The following ITPR3 variants were observed in gnomAD, a reference collection of about 807,000 sequenced individuals.
ITPR3 encodes the protein inositol 1,4,5-trisphosphate receptor type 3, also known as inositol 1,4,5-trisphosphate-gated calcium channel ITPR3.
In ITPR3, 173 loss-of-function variants were observed where a neutral mutation model predicts 293.2. The observed-to-expected ratio is 0.59, with a 90% CI of 0.52 to 0.67. The LOEUF (loss-of-function observed/expected upper bound fraction) is 0.67. Ranked by LOEUF, ITPR3 falls within the 30% of genes least tolerant of loss-of-function variation. The pLI is 0.00. For synonymous variants in ITPR3, 1,295 were observed against 1,444.4 expected, an observed-to-expected ratio of 0.90 and a Z score of 2.35; for missense variants, 2,796 against 3,592.1, an observed-to-expected ratio of 0.78 and a Z score of 5.66.
rs147404872 is a variant in ITPR3 at position 33,688,413 on chromosome 6, T to C, written c.6550T>C (p.Trp2184Arg). The C allele has an allele frequency of 7.9e-7, 1 of 1,265,158 alleles. No individual in the cohort carries two copies. The highest frequency in any genetic ancestry group is 1.0e-6 in the Non-Finnish European group (1 of 966,398). 78.4% of individuals were successfully genotyped at this position (1,265,158 alleles called of 1,614,324 possible). A position where few individuals can be genotyped will look rare whatever the true frequency, so the allele number is the denominator to read the frequency against. ...CTCCTTCCTGCACAACGAGATGGAG[T>C]GGCAGCGCAAGCTCCGCAGTGAGGA... Reference protein sequence around the residue: ...QSSFLHNEMEWQRKLRSMPLI... With the variant: ...QSSFLHNEMERQRKLRSMPLI... Residue 2184 changes from tryptophan (W) to arginine (R), a missense_variant, in exon 48 of 58, where the codon TGG becomes CGG. Trp to Arg is a moderately radical substitution (Grantham distance 101). This residue lies in a region of ITPR3 where 568 missense variants were observed against 796.1 expected (regional missense o/e 0.71). Coordinates refer to ENST00000605930, the MANE Select transcript of ITPR3 (RefSeq NM_002224.4).
Position 33,621,795 on chromosome 6 carries a change from C to A in ITPR3, c.89+104C>A. On this transcript the variant is annotated intron_variant, in intron 1 of 57. Transcript: ENST00000605930. The surrounding 1 kb of genome is among the most constrained non-coding windows in gnomAD (Gnocchi z 7.7). The stretch of plus-strand genomic sequence containing the variant: ...CGCCGCCCCCCGATAGAGGCCTGGA[C>A]GTCCCCCTAGTCTCAAGGAGCGGGA... The A allele has an allele frequency of 4.9e-6, 4 of 809,518 alleles. No homozygotes were observed. Among genetic ancestry groups the A allele is most frequent in the Non-Finnish European group, 8.1e-6 (4 of 491,202 alleles). The allele number at this position is 809,518 out of a possible 1,614,324, so 50.1% of individuals were successfully genotyped here. A position where few individuals can be genotyped will look rare whatever the true frequency, so the allele number is the denominator to read the frequency against.
At chr6:33,690,236 A>G (rs774729716) in intron 51 of ITPR3, 38 bp downstream of exon 51, 2 of 995,458 alleles carry the variant, frequency 2.0e-6, no homozygotes, top group South Asian at 1.3e-5. Flanking sequence ...GGATGGGGGC[A>G]TGGGGTGGTT....
At position 33,667,404 on chromosome 6, in the gene ITPR3, G is replaced by C; in HGVS notation, c.1713+114G>C. The stretch of plus-strand genomic sequence containing the variant: ...CTGTTTTGGGGCCTAGGGTCCAGTA[G>C]GGCACCAGACAGCAGGGCCGGGTTC... On this transcript the variant is annotated intron_variant, in intron 15 of 57. Coordinates refer to ENST00000605930, the MANE Select transcript of ITPR3 (RefSeq NM_002224.4). This position sits in a 1 kb window ranked among gnomAD's most constrained non-coding sequence, Gnocchi z 4.4. 2.2e-6 allele frequency: 3 copies of C among 1,365,954 alleles called. No individual in the cohort carries two copies. The highest frequency in any genetic ancestry group is 2.9e-6 in the Non-Finnish European group (3 of 1,018,366). The allele number at this position is 1,365,954 out of a possible 1,614,324, so 84.6% of individuals were successfully genotyped here.
rs536717256 is a variant in ITPR3, at chr6:33,659,629, C to T, written c.711+80C>T. 502 of 1,222,202 alleles carry T rather than the reference C, an allele frequency of 4.1e-4. 1 individual carries two copies. Among genetic ancestry groups the T allele is most frequent in the Non-Finnish European group, 5.8e-4 (483 of 832,522 alleles). 75.7% of individuals were successfully genotyped at this position (1,222,202 alleles called of 1,614,324 possible). A position where few individuals can be genotyped will look rare whatever the true frequency, so the allele number is the denominator to read the frequency against. ...GGGCCCTCTTCCTGCCTTCTCCACC[C>T]GCCAGGCCTCAGGCCCTTACCCTCT... On this transcript the variant is annotated intron_variant, in intron 7 of 57. Transcript: ENST00000605930.
chr6:33,670,869 A>G lies in ITPR3; in HGVS notation c.2586+54A>G. On this transcript the variant is annotated intron_variant, in intron 20 of 57. Coordinates refer to ENST00000605930, the MANE Select transcript of ITPR3 (RefSeq NM_002224.4). The surrounding 1 kb of genome is among the most constrained non-coding windows in gnomAD (Gnocchi z 6.7). The stretch of plus-strand genomic sequence containing the variant: ...GGTCCGTGGAGCTCTTGTTGGCCCC[A>G]CACTGGCCTCGGTCTTCACCCAGGA... 1.3e-6 allele frequency: 2 copies of G among 1,591,504 alleles called. No individual in the cohort carries two copies. Among genetic ancestry groups the G allele is most frequent in the Non-Finnish European group, 1.7e-6 (2 of 1,169,768 alleles).
At position 33,665,938 on chromosome 6, in the gene ITPR3, C is replaced by T. The variant is rs763016802; in HGVS notation, c.1513C>T (p.Arg505Trp). 15 of 1,613,756 alleles carry T rather than the reference C, an allele frequency of 9.3e-6. No individual in the cohort carries two copies. The highest frequency in any genetic ancestry group is 4.0e-5 in the African/African-American group (3 of 74,926). ...DIMVTKPNRE[R>W]QKLMREQNIL... The stretch of plus-strand genomic sequence containing the variant: ...CATGGTCACTAAGCCCAACCGGGAA[C>T]GGCAGAAGCTGATGAGGGAGCAGAA... The change falls in exon 14 of 58, where the codon CGG becomes TGG. Residue 505 changes from arginine to tryptophan, a missense_variant. Arg to Trp is a moderately radical substitution (Grantham distance 101). This residue lies in a region of ITPR3 where 955 missense variants were observed against 1,180.8 expected (regional missense o/e 0.81). Transcript: ENST00000605930.
At chr6:33,668,671 C>G (rs367544617) in intron 17 of ITPR3, 37 bp downstream of exon 17, 1 of 1,613,322 alleles carries the variant, frequency 6.2e-7, no homozygotes, top group Non-Finnish European at 8.5e-7. Flanking sequence ...TTGGGCTCCA[C>G]GCTGCTGACC....
intron 9 of ITPR3, 70 bp downstream of exon 9, chr6:33,663,076 T>G (rs1764517371): frequency 7.8e-7 from 1 of 1,282,326 alleles, no homozygotes. Flanking sequence ...GGAACATGTG[T>G]GCACATACTT....
At chr6:33,656,326 G>C (rs1764305221) in intron 3 of ITPR3, among the ~76,000 whole-genome samples, 1 of 152,072 alleles carries the variant, frequency 6.6e-6, no homozygotes, top group Non-Finnish European at 1.5e-5. Flanking sequence ...CAGGGTGCAT[G>C]GCTCAGAGAG....
In ITPR3 at chr6:33,624,007, C is replaced by T. The variant is rs10947415; in HGVS notation, c.89+2316C>T. Among the ~76,000 whole-genome samples, 20,162 of 152,260 alleles carry T rather than the reference C, an allele frequency of 0.13. 1,797 individuals are homozygous for T. Among genetic ancestry groups the T allele is most frequent in the Middle Eastern group, 0.22 (65 of 294 alleles). ...CACCACACGACTGCAACCTGTCCCGCGCTCTCAGTCTCTTTACCTTTGCTC... is the reference window on the plus strand; with the variant it reads ...CACCACACGACTGCAACCTGTCCCGTGCTCTCAGTCTCTTTACCTTTGCTC... On this transcript the variant is annotated intron_variant, in intron 1 of 57. Transcript: ENST00000605930. This position sits in a 1 kb window ranked among gnomAD's most constrained non-coding sequence, Gnocchi z 4.7.
intron 22 of ITPR3, among the ~76,000 whole-genome samples, chr6:33,673,317 G>T (rs1764817482): frequency 6.6e-6 from 1 of 152,132 alleles, no homozygotes; most frequent in Non-Finnish European, 1.5e-5. Context: ...GGGCGCAGGG[G>T]TGCTCGCTGC....
Position 33,683,654 on chromosome 6 carries a change from G to A in ITPR3, c.4788+257G>A, listed in dbSNP as rs891606761. Among the ~76,000 whole-genome samples the A allele has an allele frequency of 7.2e-5, 11 of 152,118 alleles. No individual in the cohort carries two copies. The highest frequency in any genetic ancestry group is 6.2e-4 in the South Asian group (3 of 4,822). On this transcript the variant is annotated intron_variant, in intron 35 of 57. Coordinates refer to ENST00000605930, the MANE Select transcript of ITPR3 (RefSeq NM_002224.4). The surrounding 1 kb of genome is among the most constrained non-coding windows in gnomAD (Gnocchi z 4.5). ...TGGGGTTGGAGCTCATGAGGGGGTC[G>A]GGACCACCCCTCACTCCTGCAGCGC...
chr6:33,687,187 C>A lies in ITPR3; in HGVS notation c.6076-39C>A, dbSNP rs746365418. On this transcript the variant is annotated intron_variant, in intron 44 of 57. Coordinates refer to ENST00000605930, the MANE Select transcript of ITPR3 (RefSeq NM_002224.4). The surrounding 1 kb of genome is among the most constrained non-coding windows in gnomAD (Gnocchi z 5.3). The stretch of plus-strand genomic sequence containing the variant: ...ATGAGGGCCCGGCTGGCCCTACCGC[C>A]CTAGGAAGAGAGCATTGGAACAGGC... 6.3e-7 allele frequency: 1 copy of A among 1,597,666 alleles called. No homozygotes were observed. Among genetic ancestry groups the A allele is most frequent in the African/African-American group, 1.3e-5 (1 of 74,696 alleles).
chr6:33,689,278 C>A lies in ITPR3; in HGVS notation c.6735C>A (p.Ile2245=), dbSNP rs1178244734. ...DSPLISLLFW[I]LICFSIAALF... ...CTCTCATCTCATTGCTCTTCTGGAT[C>A]CTCATCTGCTTCTCCATCGCGGCCC... The change falls in exon 50 of 58, where the codon ATC becomes ATA. Residue 2245 remains isoleucine, a synonymous_variant. Transcript: ENST00000605930. The A allele has an allele frequency of 1.2e-6, 2 of 1,611,970 alleles. No individual in the cohort carries two copies. Among genetic ancestry groups the A allele is most frequent in the African/African-American group, 1.3e-5 (1 of 75,060 alleles).
At position 33,682,318 on chromosome 6, in the gene ITPR3, C is replaced by T. The variant is rs1412638914; in HGVS notation, c.4477-206C>T. Among the ~76,000 whole-genome samples, 2 of 152,206 alleles carry T rather than the reference C, an allele frequency of 1.3e-5. No homozygotes were observed. Among genetic ancestry groups the T allele is most frequent in the Non-Finnish European group, 2.9e-5 (2 of 68,034 alleles). On this transcript the variant is annotated intron_variant, in intron 33 of 57. Coordinates refer to ENST00000605930, the MANE Select transcript of ITPR3 (RefSeq NM_002224.4). The surrounding 1 kb of genome is among the most constrained non-coding windows in gnomAD (Gnocchi z 5.4). Reference sequence around the variant, plus strand: ...ATGAGCCCACGGCCTTGGTGAGTTACAGGGCTGCCGTGTACAGTTGGGCAG... The same window carrying T: ...ATGAGCCCACGGCCTTGGTGAGTTATAGGGCTGCCGTGTACAGTTGGGCAG...
rs1399465348 is a variant in ITPR3, at chr6:33,665,986, C to T, written c.1551+10C>T. On this transcript the variant is annotated intron_variant, in intron 14 of 57. Transcript: ENST00000605930. ...GAACATCCTCAAACAGGTGCGTGTG[C>T]ACCCATGAGGGGACGCAGAGGGGCC... The T allele has an allele frequency of 1.9e-6, 3 of 1,595,762 alleles. No individual in the cohort carries two copies. The highest frequency in any genetic ancestry group is 2.6e-6 in the Non-Finnish European group (3 of 1,170,812).
In ITPR3 at chr6:33,685,483, TG is replaced by T. The variant is rs758278821; in HGVS notation, c.5435del (p.Gly1812AlafsTer43). 6.2e-7 allele frequency: 1 copy of T among 1,613,098 alleles called. No homozygotes were observed. Among genetic ancestry groups the T allele is most frequent in the Non-Finnish European group, 8.5e-7 (1 of 1,179,712 alleles). ...KSTVAVNMNDLGSQPHEDREP... is the reference protein window; with the variant it reads ...KSTVAVNMNDXGSQPHEDREP... ...ACGGTGGCAGTCAACATGAATGACC[TG>T]GGCAGCCAGCCACATGAGGACCGCG... is the stretch of plus-strand genomic sequence containing the variant. On this transcript the variant is annotated frameshift_variant, in exon 40 of 58. Transcript: ENST00000605930. LOFTEE classifies it high-confidence loss of function.
chr6:33,677,453 G>A (rs1179752563), intron 27 of ITPR3, 51 bp from the exon 28 acceptor site: 2 of 1,604,238 alleles, frequency 1.2e-6, no homozygotes, highest in Admixed American at 3.4e-5. Flanking sequence ...CTGGGCAGAG[G>A]GCAGCCTGAG....
At chr6:33,680,306 CT>C in intron 31 of ITPR3, 22 bp from the exon 32 acceptor site, 1 of 1,606,822 alleles carries the variant, frequency 6.2e-7, no homozygotes, top group Non-Finnish European at 8.5e-7. Context: ...GCTTGCGCCC[CT>C]GACCTCCCGC....
Sources: allele counts gnomAD v4.1 joint callset (sites outside exome capture counted in the v4.1 genomes callset), GRCh38; gene constraint gnomAD v4.1.1; regional missense constraint gnomAD v4.1.1; non-coding constraint Gnocchi (gnomAD v3.1); transcripts MANE v1.5; gene names NCBI Gene and HGNC (gene_info 2026-07-23, HGNC 2026-07-21).